Variants in DDIT4L observed in about 807,000 individuals in gnomAD.
The protein encoded by DDIT4L is DNA damage-inducible transcript 4-like protein.
In DDIT4L, 13 loss-of-function variants were observed where a neutral mutation model predicts 15.9. The observed-to-expected ratio is 0.82, with a 90% CI of 0.53 to 1.30. The LOEUF is 1.30. Among genes scored for constraint, DDIT4L ranks in the 50% most tolerant of loss-of-function variants. The pLI is 0.00. For synonymous variants in DDIT4L, 82 were observed against 85.4 expected (o/e 0.96, Z 0.22); for missense variants, 235 against 224.8 (o/e 1.05, Z -0.29).
rs200392653 is a variant in DDIT4L at position 100,187,868 on chromosome 4, C to T, written c.391G>A (p.Val131Ile). The T allele has an allele frequency of 3.6e-4, 576 of 1,613,604 alleles. No individual in the cohort carries two copies. The highest frequency in any genetic ancestry group is 9.0e-4 in the Admixed American group (54 of 59,884). The change falls in exon 3 of 3, where the codon GTA becomes ATA. Residue 131 changes from valine (V) to isoleucine (I), a missense_variant. Coordinates refer to ENST00000273990, the MANE Select transcript of DDIT4L (RefSeq NM_145244.4). Reference sequence around the variant, plus strand: ...ACAAGTGTAAGCTCAAAAGTAGGTACGACGCTAGAATCACACACAATCCTA... The same window carrying T: ...ACAAGTGTAAGCTCAAAAGTAGGTATGACGCTAGAATCACACACAATCCTA... ...LDRIVCDSSV[V>I]PTFELTLVFK...
chr4:100,187,860 A>C lies in DDIT4L; in HGVS notation c.399T>G (p.Thr133=), dbSNP rs1232473397. The part of the protein sequence containing the change: ...RIVCDSSVVP[T]FELTLVFKQE... ...GCTTAAACACAAGTGTAAGCTCAAA[A>C]GTAGGTACGACGCTAGAATCACACA... Residue 133 remains threonine, a synonymous_variant, in exon 3 of 3, where the codon ACT becomes ACG. Transcript: ENST00000273990. 1 of 1,613,582 alleles carries C rather than the reference A, an allele frequency of 6.2e-7. No individual in the cohort carries two copies. The highest frequency in any genetic ancestry group is 8.5e-7 in the Non-Finnish European group (1 of 1,179,922).
rs1723452581 is a variant in DDIT4L, at chr4:100,188,072, T to C, written c.187A>G (p.Asn63Asp). Residue 63 changes from asparagine to aspartate, a missense_variant, in exon 3 of 3, where the codon AAC (asparagine) becomes GAC (aspartate). Transcript: ENST00000273990. ...TCQNLVKMLENCLSKSKQTKL... is the reference protein window; with the variant it reads ...TCQNLVKMLEDCLSKSKQTKL... Reference sequence around the variant, plus strand: ...GTTTGCTTTGATTTGGACAGACAGTTCTCCAGCATTTTAACCAAATTCTGG... The same window carrying C: ...GTTTGCTTTGATTTGGACAGACAGTCCTCCAGCATTTTAACCAAATTCTGG... The C allele has an allele frequency of 6.2e-7, 1 of 1,614,114 alleles. No homozygotes were observed. The highest frequency in any genetic ancestry group is 8.5e-7 in the Non-Finnish European group (1 of 1,180,034).
rs1723452723 is a variant in DDIT4L, at chr4:100,188,085, A to T, written c.174T>A (p.Val58=). Residue 58 remains valine, a synonymous_variant, in exon 3 of 3, where the codon GTT becomes GTA. Coordinates refer to ENST00000273990, the MANE Select transcript of DDIT4L (RefSeq NM_145244.4). ...IFEESTCQNL[V]KMLENCLSKS... is the part of the protein sequence containing the mutation. ...TGGACAGACAGTTCTCCAGCATTTT[A>T]ACCAAATTCTGGCAAGTTGATTCCT... is the stretch of plus-strand genomic sequence containing the variant. The T allele has an allele frequency of 6.2e-6, 10 of 1,613,932 alleles. No homozygotes were observed. The highest frequency in any genetic ancestry group is 1.3e-5 in the African/African-American group (1 of 74,928).
At chr4:100,189,563 G>A (rs905324659) in intron 2 of DDIT4L, among the ~76,000 whole-genome samples, 1 of 152,160 alleles carries the variant, frequency 6.6e-6, no homozygotes, top group Non-Finnish European at 1.5e-5. Flanking sequence ...TCGGAATTCA[G>A]GGGGAGGGGC....
In DDIT4L at chr4:100,186,528, T is replaced by A. The variant is rs754272252; in HGVS notation, c.*1149A>T. ...AAATCAGGCCTTTATTATTCCCTAG[T>A]GACAGGTATCCAAGGTGGAAAAAAT... On this transcript the variant is annotated 3_prime_UTR_variant, in exon 3 of 3. Coordinates refer to ENST00000273990, the MANE Select transcript of DDIT4L (RefSeq NM_145244.4). The A allele has an allele frequency of 6.6e-6, 1 of 152,190 alleles. No individual in the cohort carries two copies. Among genetic ancestry groups the A allele is most frequent in the Non-Finnish European group, 1.5e-5 (1 of 68,028 alleles). The allele number at this position is 152,190 out of a possible 1,614,324, so 9.4% of individuals were successfully genotyped here.
chr4:100,187,503 C>T lies in DDIT4L; in HGVS notation c.*174G>A, dbSNP rs547205328. Reference sequence around the variant, plus strand: ...TATTTTGAATCACTTCTCCAAAGGCCAGAAAATCAGCCTGTTAGCTGCAGT... The same window carrying T: ...TATTTTGAATCACTTCTCCAAAGGCTAGAAAATCAGCCTGTTAGCTGCAGT... On this transcript the variant is annotated 3_prime_UTR_variant, in exon 3 of 3. Coordinates refer to ENST00000273990, the MANE Select transcript of DDIT4L (RefSeq NM_145244.4). The T allele has an allele frequency of 4.5e-6, 3 of 673,184 alleles. No individual in the cohort carries two copies. The highest frequency in any genetic ancestry group is 4.3e-4 in the Middle Eastern group (1 of 2,342). 41.7% of individuals were successfully genotyped at this position (673,184 alleles called of 1,614,324 possible).
intron 2 of DDIT4L, among the ~76,000 whole-genome samples, chr4:100,188,926 G>A (rs1723467705): frequency 6.6e-6 from 1 of 152,224 alleles, no homozygotes; most frequent in African/African-American, 2.4e-5. Flanking sequence ...CAAAGGAAAA[G>A]AGATAGCTCT....
In DDIT4L at chr4:100,186,252, T is replaced by C. The variant is rs958360899; in HGVS notation, c.*1425A>G. ...GAACAGTGACATTTTAGGTCACTTA[T>C]AGTATCAGTAACAGGATCACACCTG... On this transcript the variant is annotated 3_prime_UTR_variant, in exon 3 of 3. Transcript: ENST00000273990. The C allele has an allele frequency of 3.3e-5, 5 of 152,246 alleles. No homozygotes were observed. The highest frequency in any genetic ancestry group is 9.6e-5 in the African/African-American group (4 of 41,460). The allele number at this position is 152,246 out of a possible 1,614,324, so 9.4% of individuals were successfully genotyped here.
chr4:100,190,078 A>C, intron 1 of DDIT4L, 46 bp from the exon 2 acceptor site: 1 of 1,193,460 alleles, frequency 8.4e-7, no homozygotes, highest in Non-Finnish European at 1.2e-6. Context: ...AAAGCAGGCG[A>C]GTCGTGCAGA....
chr4:100,187,601 C>T lies in DDIT4L; in HGVS notation c.*76G>A, dbSNP rs565851948. On this transcript the variant is annotated 3_prime_UTR_variant, in exon 3 of 3. Coordinates refer to ENST00000273990, the MANE Select transcript of DDIT4L (RefSeq NM_145244.4). Reference sequence around the variant, plus strand: ...TCTTATTTAGGGCAGGTGGGGCAAACTACAAATGACTTTAGCTGACTAGCT... The same window carrying T: ...TCTTATTTAGGGCAGGTGGGGCAAATTACAAATGACTTTAGCTGACTAGCT... 209 of 1,492,166 alleles carry T rather than the reference C, an allele frequency of 1.4e-4. 1 individual carries two copies. In the African/African-American group the frequency reaches 2.8e-3, roughly 20 times the overall value. 92.4% of individuals were successfully genotyped at this position (1,492,166 alleles called of 1,614,324 possible).
At chr4:100,190,273 T>C in intron 1 of DDIT4L, 30 bp downstream of exon 1, 1 of 410,578 alleles carries the variant, frequency 2.4e-6, no homozygotes, top group East Asian at 5.3e-5. Flanking sequence ...CCGGCCCCGC[T>C]GCCCCCACCA....
chr4:100,189,813 A>C, intron 2 of DDIT4L, 80 bp downstream of exon 2: 1 of 1,335,930 alleles, frequency 7.5e-7, no homozygotes, highest in Non-Finnish European at 1.1e-6. Context: ...GTAGGGGAGG[A>C]AGTCGAAAGC....
At position 100,187,057 on chromosome 4, in the gene DDIT4L, A is replaced by T. The variant is rs1723430620; in HGVS notation, c.*620T>A. ...CACAAGCTTTTGTTGCCTCTTTAAA[A>T]CATTAGAGTGAGGAAGTCACCAAGA... On this transcript the variant is annotated 3_prime_UTR_variant, in exon 3 of 3. Coordinates refer to ENST00000273990, the MANE Select transcript of DDIT4L (RefSeq NM_145244.4). 1 of 152,220 alleles carries T rather than the reference A, an allele frequency of 6.6e-6. No homozygotes were observed. The highest frequency in any genetic ancestry group is 2.1e-4 in the South Asian group (1 of 4,826). The allele number at this position is 152,220 out of a possible 1,614,324, so 9.4% of individuals were successfully genotyped here.
chr4:100,186,562 A>G lies in DDIT4L; in HGVS notation c.*1115T>C, dbSNP rs1221884476. 1 of 152,226 alleles carries G rather than the reference A, an allele frequency of 6.6e-6. No homozygotes were observed. Among genetic ancestry groups the G allele is most frequent in the Non-Finnish European group, 1.5e-5 (1 of 68,050 alleles). The allele number at this position is 152,226 out of a possible 1,614,324, so 9.4% of individuals were successfully genotyped here. ...TCCAAGGTGGAAAAAATCTGGGTGC[A>G]TGCATGGTTATCTGGACGGTGAGTT... On this transcript the variant is annotated 3_prime_UTR_variant, in exon 3 of 3. Transcript: ENST00000273990.
chr4:100,187,702 CCAAT>C lies in DDIT4L; in HGVS notation c.553_556del (p.Ile185GlufsTer4). 1.2e-6 allele frequency: 2 copies of C among 1,606,892 alleles called. No individual in the cohort carries two copies. Among genetic ancestry groups the C allele is most frequent in the Non-Finnish European group, 8.5e-7 (1 of 1,178,332 alleles). ...TTAGGACCCTTCAATCACTGTTGTTCCAATCAGTGAGTAAAGTTTTTTCTTAACA... is the reference window on the plus strand; with the variant it reads ...TTAGGACCCTTCAATCACTGTTGTTCCAGTGAGTAAAGTTTTTTCTTAACA... On this transcript the variant is annotated frameshift_variant, in exon 3 of 3. Coordinates refer to ENST00000273990, the MANE Select transcript of DDIT4L (RefSeq NM_145244.4). LOFTEE classifies it high-confidence loss of function.
Position 100,187,175 on chromosome 4 carries a change from C to T in DDIT4L, c.*502G>A, listed in dbSNP as rs10007201. 48,298 of 152,192 alleles carry T rather than the reference C, an allele frequency of 0.32. 8,012 individuals carry two copies. Among genetic ancestry groups the T allele is most frequent in the African/African-American group, 0.41 (17,146 of 41,466 alleles). The allele number at this position is 152,192 out of a possible 1,614,324, so 9.4% of individuals were successfully genotyped here. On this transcript the variant is annotated 3_prime_UTR_variant, in exon 3 of 3. Coordinates refer to ENST00000273990, the MANE Select transcript of DDIT4L (RefSeq NM_145244.4). ...TTAAACTCACCTACTTAATCCTACC[C>T]TCCTGTCTAAAAACCCTTCAAATTT...
Position 100,187,504 on chromosome 4 carries a change from A to G in DDIT4L, c.*173T>C. The G allele has an allele frequency of 1.5e-6, 1 of 684,658 alleles. No homozygotes were observed. Among genetic ancestry groups the G allele is most frequent in the South Asian group, 2.7e-5 (1 of 37,464 alleles). 42.4% of individuals were successfully genotyped at this position (684,658 alleles called of 1,614,324 possible). Reference sequence around the variant, plus strand: ...ATTTTGAATCACTTCTCCAAAGGCCAGAAAATCAGCCTGTTAGCTGCAGTT... The same window carrying G: ...ATTTTGAATCACTTCTCCAAAGGCCGGAAAATCAGCCTGTTAGCTGCAGTT... On this transcript the variant is annotated 3_prime_UTR_variant, in exon 3 of 3. Coordinates refer to ENST00000273990, the MANE Select transcript of DDIT4L (RefSeq NM_145244.4).
rs1578321657 is a variant in DDIT4L, at chr4:100,187,473, T to C, written c.*204A>G. ...AAAAATGGGATCTATGCAGAAAATC[T>C]ACACTATTTTGAATCACTTCTCCAA... is the stretch of plus-strand genomic sequence containing the variant. On this transcript the variant is annotated 3_prime_UTR_variant, in exon 3 of 3. Coordinates refer to ENST00000273990, the MANE Select transcript of DDIT4L (RefSeq NM_145244.4). The C allele has an allele frequency of 1.9e-6, 1 of 535,388 alleles. No individual in the cohort carries two copies. The highest frequency in any genetic ancestry group is 3.1e-6 in the Non-Finnish European group (1 of 321,292). The allele number at this position is 535,388 out of a possible 1,614,324, so 33.2% of individuals were successfully genotyped here.
In DDIT4L at chr4:100,187,627, G is replaced by C. The variant is rs760034691; in HGVS notation, c.*50C>G. 1 of 1,542,116 alleles carries C rather than the reference G, an allele frequency of 6.5e-7. No homozygotes were observed. The highest frequency in any genetic ancestry group is 1.3e-5 in the South Asian group (1 of 77,522). ...TACAAATGACTTTAGCTGACTAGCTGAATAGTTTTACTACCCAATCATGAA... is the reference window on the plus strand; with the variant it reads ...TACAAATGACTTTAGCTGACTAGCTCAATAGTTTTACTACCCAATCATGAA... On this transcript the variant is annotated 3_prime_UTR_variant, in exon 3 of 3. Transcript: ENST00000273990.
Sources: allele counts gnomAD v4.1 joint callset (sites outside exome capture counted in the v4.1 genomes callset), GRCh38; gene constraint gnomAD v4.1.1; transcripts MANE v1.5; gene names NCBI Gene and HGNC (gene_info 2026-07-23, HGNC 2026-07-21).